Variants in PSMC2 observed in about 807,000 individuals in gnomAD.
PSMC2 encodes 26S proteasome regulatory subunit 7.
A neutral mutation model predicts 53.3 loss-of-function variants in PSMC2; 7 were observed. That is an observed-to-expected ratio of 0.13 (90% CI 0.07 to 0.25). The LOEUF (loss-of-function observed/expected upper bound fraction) is 0.25, where lower values mean the gene tolerates loss of function less well. Ranked by LOEUF, PSMC2 falls within the 10% of genes least tolerant of loss-of-function variation. The pLI is 1.00. For missense variants in PSMC2, 241 were observed against 544.0 expected (o/e 0.44, Z 5.54); for synonymous variants, 169 against 183.9 (o/e 0.92, Z 0.66).
At chr7:103,352,830 A>T in intron 1 of PSMC2, 1 of 780,790 alleles carries the variant, frequency 1.3e-6, no homozygotes, top group Non-Finnish European at 2.4e-6. Flanking sequence ...CAGAGCTGGC[A>T]TTCAAACCCT....
At chr7:103,365,857 G>A (rs750946416) in intron 8 of PSMC2, among the ~76,000 whole-genome samples, 6 of 152,208 alleles carry the variant, frequency 3.9e-5, no homozygotes, top group South Asian at 2.1e-4. Flanking sequence ...GAACCCAGGC[G>A]GCAGAGGTTG....
In PSMC2 at chr7:103,368,114, T is replaced by A; in HGVS notation, c.*60T>A. 7.1e-7 allele frequency: 1 copy of A among 1,413,294 alleles called. No homozygotes were observed. Among genetic ancestry groups the A allele is most frequent in the South Asian group, 1.4e-5 (1 of 70,098 alleles). 87.5% of individuals were successfully genotyped at this position (1,413,294 alleles called of 1,614,324 possible). On this transcript the variant is annotated 3_prime_UTR_variant, in exon 12 of 12. Coordinates refer to ENST00000292644, the MANE Select transcript of PSMC2 (RefSeq NM_002803.4). Reference sequence around the variant, plus strand: ...GAATCCTAACCTTATATAGACTTGTTAATAACCAATTCATAAACAAATAAA... The same window carrying A: ...GAATCCTAACCTTATATAGACTTGTAAATAACCAATTCATAAACAAATAAA...
At chr7:103,360,150 A>AT (rs1398980678) in intron 4 of PSMC2, among the ~76,000 whole-genome samples, 2 of 151,686 alleles carry the variant, frequency 1.3e-5, no homozygotes, top group African/African-American at 2.4e-5. Flanking sequence ...CTATTGACTG[A>AT]TTTTTTTCCC....
chr7:103,362,887 G>A (rs1208719739), intron 6 of PSMC2, 129 bp downstream of exon 6: 10 of 673,036 alleles, frequency 1.5e-5, no homozygotes, highest in South Asian at 9.4e-5. Context: ...TCTGCCTCCC[G>A]GGTTCAAGCA....
chr7:103,362,357 T>G lies in PSMC2; in HGVS notation c.422+269T>G, dbSNP rs973562658. 13 of 1,351,184 alleles carry G rather than the reference T, an allele frequency of 9.6e-6. No individual in the cohort carries two copies. The African/African-American group carries it at 1.3e-4, about 14-fold the overall frequency. The allele number at this position is 1,351,184 out of a possible 1,614,324, so 83.7% of individuals were successfully genotyped here. A position where few individuals can be genotyped will look rare whatever the true frequency, so the allele number is the denominator to read the frequency against. Reference sequence around the variant, plus strand: ...TACCAGTCCATTTAAGGTAACATGGTATAGGTTGGGGGAGTACTTGCTTTA... The same window carrying G: ...TACCAGTCCATTTAAGGTAACATGGGATAGGTTGGGGGAGTACTTGCTTTA... On this transcript the variant is annotated intron_variant, in intron 5 of 11. Coordinates refer to ENST00000292644, the MANE Select transcript of PSMC2 (RefSeq NM_002803.4).
chr7:103,348,460 C>G, intron 1 of PSMC2: 1 of 507,146 alleles, frequency 2.0e-6, no homozygotes, highest in Admixed American at 3.0e-5. Flanking sequence ...ATCATGTAGT[C>G]ACTTCCTCTG....
intron 2 of PSMC2, among the ~76,000 whole-genome samples, chr7:103,354,173 A>T (rs1442813613): frequency 6.6e-6 from 1 of 152,212 alleles, no homozygotes; most frequent in East Asian, 1.9e-4. Context: ...TTTATAGAAT[A>T]GATCAAAGTA....
rs189193357 is a variant in PSMC2 at position 103,353,813 on chromosome 7, C to T, written c.71-108C>T. On this transcript the variant is annotated intron_variant, in intron 1 of 11. Coordinates refer to ENST00000292644, the MANE Select transcript of PSMC2 (RefSeq NM_002803.4). ...TCATAATCTTGCTTGATTTTTGACA[C>T]TCACTTAAAACAATTTGAATCGAAC... is the stretch of plus-strand genomic sequence containing the variant. The T allele has an allele frequency of 3.8e-3, 3,460 of 916,284 alleles. 16 individuals carry two copies. Among genetic ancestry groups the T allele is most frequent in the Non-Finnish European group, 4.6e-3 (2,707 of 593,122 alleles). The allele number at this position is 916,284 out of a possible 1,614,324, so 56.8% of individuals were successfully genotyped here.
chr7:103,348,862 A>G, intron 1 of PSMC2: 2 of 545,736 alleles, frequency 3.7e-6, no homozygotes, highest in South Asian at 3.8e-5. Context: ...TAAAAAAATG[A>G]ATAATCTTGT....
intron 1 of PSMC2, among the ~76,000 whole-genome samples, chr7:103,350,120 T>C (rs1298853663): frequency 6.6e-6 from 1 of 152,240 alleles, no homozygotes; most frequent in African/African-American, 2.4e-5. Context: ...TGTTGTCCTA[T>C]GGAATTTTTC....
chr7:103,354,673 A>G (rs1234106198), intron 2 of PSMC2, among the ~76,000 whole-genome samples, 195 bp from the exon 3 acceptor site: 1 of 152,038 alleles, frequency 6.6e-6, no homozygotes, highest in Non-Finnish European at 1.5e-5. Context: ...CCTGGCCATG[A>G]TTTTCATTTG....
At chr7:103,356,363 G>C (rs1326412356) in intron 4 of PSMC2, among the ~76,000 whole-genome samples, 1 of 152,052 alleles carries the variant, frequency 6.6e-6, no homozygotes, top group Non-Finnish European at 1.5e-5. Context: ...CATTTCTGTA[G>C]GCTAGCTTAC....
chr7:103,361,510 C>CAAAAAAAAAAAAAAAAAAAAAAAAAAAA (rs759044767), intron 4 of PSMC2, among the ~76,000 whole-genome samples: 1 of 51,102 alleles, frequency 2.0e-5, no homozygotes, highest in Non-Finnish European at 4.1e-5. Context: ...AACTCCATCT[C>CAAAAAAAAAAAAAAAAAAAAAAAAAAAA]AAAAAAAAAA....
chr7:103,361,992 C>A lies in PSMC2; in HGVS notation c.326C>A (p.Pro109Gln). ...TKIINADSEDPKYIINVKQFA... is the reference protein window; with the variant it reads ...TKIINADSEDQKYIINVKQFA... ...ATAATCAATGCTGATTCGGAGGACC[C>A]AAAATACATTATCAACGTAAAGCAG... Residue 109 changes from proline (P) to glutamine (Q), a missense_variant, in exon 5 of 12, where the codon CCA becomes CAA. Around this residue, in one of 6 missense-constraint regions of PSMC2, gnomAD observed 75 missense variants for 185.1 expected, o/e 0.41. Transcript: ENST00000292644. 1.2e-6 allele frequency: 2 copies of A among 1,613,618 alleles called. No individual in the cohort carries two copies. Among genetic ancestry groups the A allele is most frequent in the Non-Finnish European group, 1.7e-6 (2 of 1,179,836 alleles).
intron 5 of PSMC2, 103 bp from the exon 6 acceptor site, chr7:103,362,583 C>A: frequency 6.9e-7 from 1 of 1,440,594 alleles, no homozygotes; most frequent in Admixed American, 2.2e-5. Flanking sequence ...CTCTGTCTCT[C>A]TCTTGTTTTC....
At chr7:103,363,012 T>C (rs148599163) in intron 6 of PSMC2, among the ~76,000 whole-genome samples, 2,087 of 152,280 alleles carry the variant, frequency 0.014, 19 homozygotes, top group Non-Finnish European at 0.02. Flanking sequence ...CAGACTGGTT[T>C]CGAACTCATG....
intron 1 of PSMC2, among the ~76,000 whole-genome samples, chr7:103,351,479 G>A (rs1202267395): frequency 3.3e-5 from 5 of 152,130 alleles, no homozygotes; most frequent in Non-Finnish European, 4.4e-5. Context: ...TTTTATTATG[G>A]GTTGGTAATG....
Position 103,355,778 on chromosome 7 carries a change from C to A in PSMC2, c.275C>A (p.Pro92His). 1 of 1,613,576 alleles carries A rather than the reference C, an allele frequency of 6.2e-7. No homozygotes were observed. The highest frequency in any genetic ancestry group is 8.5e-7 in the Non-Finnish European group (1 of 1,179,622). Residue 92 changes from proline (P) to histidine (H), a missense_variant, in exon 4 of 12, where the codon CCT becomes CAT. By Grantham distance (77) the Pro-to-His change is moderately conservative. Coordinates refer to ENST00000292644, the MANE Select transcript of PSMC2 (RefSeq NM_002803.4). ...ADKQTLQSEQ[P>H]LQVARCTKII... The stretch of plus-strand genomic sequence containing the variant: ...AAGCAGACACTCCAGAGTGAACAGC[C>A]TTTACAGGTTGCCAGGTATGCACGG...
chr7:103,351,965 C>T (rs118182760), intron 1 of PSMC2, among the ~76,000 whole-genome samples: 4,065 of 151,610 alleles, frequency 0.027, 100 homozygotes, highest in Non-Finnish European at 0.036. Flanking sequence ...TTATGACTTC[C>T]GAGTGGCCTC....
Sources: gnomAD v4.1 joint callset for allele counts (sites outside exome capture counted in the v4.1 genomes callset) on GRCh38, gnomAD v4.1.1 for gene constraint, gnomAD v4.1.1 regional missense constraint, MANE v1.5 for transcripts, NCBI Gene and HGNC (gene_info 2026-07-23, HGNC 2026-07-21) for gene names.